PVT1: variants seen among roughly 807,000 people sequenced by gnomAD.
PVT1 encodes CXCR4/PVT1 fusion.
At chr8:128,017,279 G>A (rs560319394) in intron 4 of PVT1, among the ~76,000 whole-genome samples, 19 of 151,998 alleles carry the variant, frequency 1.3e-4, no homozygotes, top group African/African-American at 4.1e-4. Flanking sequence ...CATGTCAAAG[G>A]GTTTCTCAGT....
At chr8:128,077,182 A>G (rs931128105) in intron 5 of PVT1, among the ~76,000 whole-genome samples, 8 of 152,268 alleles carry the variant, frequency 5.3e-5, no homozygotes, top group Non-Finnish European at 1.0e-4. Flanking sequence ...GTGTGAAGCC[A>G]CGTGGGAGGC....
intron 2 of PVT1, among the ~76,000 whole-genome samples, chr8:127,829,384 G>A (rs966647491): frequency 6.6e-6 from 1 of 152,146 alleles, no homozygotes; most frequent in African/African-American, 2.4e-5. Context: ...TGGTTTTAAG[G>A]CCCCAGTGCC....
intron 5 of PVT1, among the ~76,000 whole-genome samples, chr8:128,085,186 A>G (rs1023725424): frequency 2.0e-5 from 3 of 152,098 alleles, no homozygotes; most frequent in African/African-American, 7.2e-5. Context: ...TCTTGTTTGT[A>G]GCCTCAGCTG....
chr8:127,860,526 A>T (rs891038655), intron 2 of PVT1, among the ~76,000 whole-genome samples: 1 of 152,108 alleles, frequency 6.6e-6, no homozygotes, highest in Non-Finnish European at 1.5e-5. Flanking sequence ...GCACTTCGGG[A>T]GGCCAAGGTG....
At chr8:127,812,874 G>GTAACT (rs1814614315) in intron 2 of PVT1, among the ~76,000 whole-genome samples, 2 of 152,110 alleles carry the variant, frequency 1.3e-5, no homozygotes, top group Non-Finnish European at 2.9e-5. Context: ...ACTTGTAACT[G>GTAACT]TGTCAGGCTC....
intron 5 of PVT1, among the ~76,000 whole-genome samples, chr8:128,075,470 C>T (rs142921106): frequency 1.6e-4 from 25 of 151,918 alleles, no homozygotes; most frequent in East Asian, 7.7e-4. Context: ...TCTTTTATTA[C>T]GTAAATATTA....
intron 3 of PVT1, among the ~76,000 whole-genome samples, chr8:127,973,251 C>G (rs1816783927): frequency 6.6e-6 from 1 of 152,048 alleles, no homozygotes; most frequent in South Asian, 2.1e-4. Flanking sequence ...GTGTGCACAC[C>G]TGGTACCTGA....
intron 3 of PVT1, among the ~76,000 whole-genome samples, chr8:127,936,699 T>C (rs990569698): frequency 6.6e-6 from 1 of 152,178 alleles, no homozygotes; most frequent in Non-Finnish European, 1.5e-5. Flanking sequence ...CTGAGCTGCT[T>C]CCTCTCCTGC....
At chr8:127,832,614 T>G (rs1193082474) in intron 2 of PVT1, among the ~76,000 whole-genome samples, 2 of 152,150 alleles carry the variant, frequency 1.3e-5, no homozygotes, top group African/African-American at 4.8e-5. Context: ...ATCCCAGCAC[T>G]TTGGGAGGCC....
intron 3 of PVT1, among the ~76,000 whole-genome samples, chr8:127,985,323 C>G (rs539311941): frequency 6.6e-6 from 1 of 151,924 alleles, no homozygotes; most frequent in Non-Finnish European, 1.5e-5. Context: ...TGAGCCACCG[C>G]GCCCAGCCTT....
chr8:128,053,888 C>G (rs1422526483), intron 4 of PVT1, among the ~76,000 whole-genome samples: 1 of 152,248 alleles, frequency 6.6e-6, no homozygotes, highest in African/African-American at 2.4e-5. Context: ...CTGGTTCCGT[C>G]CTTGTATCTG....
intron 3 of PVT1, among the ~76,000 whole-genome samples, chr8:127,978,542 G>A (rs938525476): frequency 4.0e-5 from 6 of 150,800 alleles, no homozygotes; most frequent in African/African-American, 9.8e-5. Context: ...GTGCAGAGGC[G>A]GCACAATTTC....
intron 2 of PVT1, among the ~76,000 whole-genome samples, chr8:127,811,978 G>C (rs1267378826): frequency 6.6e-6 from 1 of 151,886 alleles, no homozygotes; most frequent in Non-Finnish European, 1.5e-5. Context: ...GTGGCGGCTC[G>C]TGCCTGTAAT....
intron 2 of PVT1, among the ~76,000 whole-genome samples, chr8:127,819,480 A>G (rs144080314): frequency 6.6e-6 from 1 of 152,210 alleles, no homozygotes; most frequent in Non-Finnish European, 1.5e-5. Context: ...CAGAGAGATA[A>G]GTGTCTTCCC....
intron 4 of PVT1, among the ~76,000 whole-genome samples, chr8:128,004,685 T>C (rs1457985512): frequency 6.6e-6 from 1 of 152,190 alleles, no homozygotes; most frequent in Non-Finnish European, 1.5e-5. Context: ...ACCACTGAAG[T>C]AGCCTTTCGA....
At chr8:127,911,420 G>A (rs974342417) in intron 3 of PVT1, among the ~76,000 whole-genome samples, 1 of 152,234 alleles carries the variant, frequency 6.6e-6, no homozygotes, top group Non-Finnish European at 1.5e-5. Context: ...CCGGCTGCCA[G>A]CTGTTTACCT....
intron 3 of PVT1, among the ~76,000 whole-genome samples, chr8:127,979,711 G>T (rs138878987): frequency 6.6e-6 from 1 of 152,322 alleles, no homozygotes; most frequent in Non-Finnish European, 1.5e-5. Flanking sequence ...GTCATTTCAT[G>T]TGCCCCCGAC....
intron 4 of PVT1, among the ~76,000 whole-genome samples, chr8:128,006,517 A>G (rs1817249290): frequency 6.6e-6 from 1 of 152,158 alleles, no homozygotes; most frequent in African/African-American, 2.4e-5. Context: ...ATGAATAAGT[A>G]TCTTGTCAGG....
intron 5 of PVT1, among the ~76,000 whole-genome samples, chr8:128,079,214 G>A (rs1423005963): frequency 2.0e-5 from 3 of 152,134 alleles, no homozygotes; most frequent in East Asian, 3.9e-4. Context: ...TTCCTAGTAT[G>A]TCCTGTATCT....
Sources: allele counts gnomAD v4.1 joint callset (sites outside exome capture counted in the v4.1 genomes callset), GRCh38; gene constraint gnomAD v4.1.1; transcripts MANE v1.5; gene names NCBI Gene and HGNC (gene_info 2026-07-23, HGNC 2026-07-21).